Variants in KIRREL3 observed in about 807,000 individuals in gnomAD.
The protein encoded by KIRREL3 is kin of IRRE-like protein 3.
In KIRREL3, 36 loss-of-function variants were observed where a neutral mutation model predicts 89.7. The observed-to-expected ratio is 0.40, with a 90% CI of 0.31 to 0.53. KIRREL3 has a LOEUF of 0.53. Ranked by LOEUF, KIRREL3 falls within the 20% of genes least tolerant of loss-of-function variation. The pLI is 0.49. For missense variants in KIRREL3, 864 were observed against 1,056.6 expected, an observed-to-expected ratio of 0.82 and a Z score of 2.53; for synonymous variants, 445 against 441.4, an observed-to-expected ratio of 1.01 and a Z score of -0.10.
chr11:126,832,953 T>A (rs1385281420), intron 1 of KIRREL3, among the ~76,000 whole-genome samples: 1 of 152,170 alleles, frequency 6.6e-6, no homozygotes, highest in Non-Finnish European at 1.5e-5. Flanking sequence ...ACGTTAAAGG[T>A]CTGCACTGAA....
In KIRREL3 at chr11:126,918,272, C is replaced by T. The variant is rs1322929925; in HGVS notation, c.55+82183G>A. Among the ~76,000 whole-genome samples the T allele has an allele frequency of 6.6e-6, 1 of 152,166 alleles. No homozygotes were observed. Among genetic ancestry groups the T allele is most frequent in the African/African-American group, 2.4e-5 (1 of 41,434 alleles). ...AACATCCCCAGATGCTGGGCAGATC[C>T]AGTGAATTGCAAGTAAGCAAATAAA... On this transcript the variant is annotated intron_variant, in intron 1 of 16. Coordinates refer to ENST00000525144, the MANE Select transcript of KIRREL3 (RefSeq NM_032531.4). This position sits in a 1 kb window ranked among gnomAD's most constrained non-coding sequence, Gnocchi z 6.5.
At chr11:126,658,934 C>A (rs1945274831) in intron 1 of KIRREL3, among the ~76,000 whole-genome samples, 1 of 152,210 alleles carries the variant, frequency 6.6e-6, no homozygotes, top group Non-Finnish European at 1.5e-5. Context: ...AAAGTGACAA[C>A]CCCATTTTAG....
intron 1 of KIRREL3, among the ~76,000 whole-genome samples, chr11:126,784,816 A>T (rs1158918539): frequency 6.6e-6 from 1 of 152,252 alleles, no homozygotes; most frequent in African/African-American, 2.4e-5. Flanking sequence ...CTTGTCCTGC[A>T]TCTGAACATA....
rs917956129 is a variant in KIRREL3 at position 126,641,398 on chromosome 11, T to C, written c.56-78486A>G. On this transcript the variant is annotated intron_variant, in intron 1 of 16. Coordinates refer to ENST00000525144, the MANE Select transcript of KIRREL3 (RefSeq NM_032531.4). This position sits in a 1 kb window ranked among gnomAD's most constrained non-coding sequence, Gnocchi z 5.0. Reference sequence around the variant, plus strand: ...AGCCTCTTGGTGGTCACAAAGCTACTTGCCACTCTCATCAGATCAGGGTGC... The same window carrying C: ...AGCCTCTTGGTGGTCACAAAGCTACCTGCCACTCTCATCAGATCAGGGTGC... 1.4e-4 allele frequency among the ~76,000 whole-genome samples: 22 copies of C among 151,934 alleles called. No individual in the cohort carries two copies. Among genetic ancestry groups the C allele is most frequent in the African/African-American group, 4.1e-4 (17 of 41,344 alleles).
chr11:126,744,338 C>T lies in KIRREL3; in HGVS notation c.56-181426G>A, dbSNP rs142543986. Among the ~76,000 whole-genome samples the T allele has an allele frequency of 3.7e-4, 57 of 152,090 alleles. No individual in the cohort carries two copies. Among genetic ancestry groups the T allele is most frequent in the African/African-American group, 1.3e-3 (54 of 41,492 alleles). On this transcript the variant is annotated intron_variant, in intron 1 of 16. Coordinates refer to ENST00000525144, the MANE Select transcript of KIRREL3 (RefSeq NM_032531.4). This position sits in a 1 kb window ranked among gnomAD's most constrained non-coding sequence, Gnocchi z 4.7. Reference sequence around the variant, plus strand: ...AGCAGCCTTTTCTGGGAGGTTCACCCGCAGGAGGTGTGCTGACCAGAGAGG... The same window carrying T: ...AGCAGCCTTTTCTGGGAGGTTCACCTGCAGGAGGTGTGCTGACCAGAGAGG...
intron 10 of KIRREL3, chr11:126,440,876 C>A: frequency 2.6e-6 from 1 of 388,458 alleles, no homozygotes; most frequent in South Asian, 2.6e-5. Context: ...GAGAATAATT[C>A]TATCTGGCGG....
At chr11:126,828,216 C>T (rs903855141) in intron 1 of KIRREL3, among the ~76,000 whole-genome samples, 1 of 152,210 alleles carries the variant, frequency 6.6e-6, no homozygotes, top group Admixed American at 6.5e-5. Context: ...CTTTAACAAG[C>T]AGGGTCCCAG....
chr11:126,621,258 G>T (rs1943563761), intron 1 of KIRREL3, among the ~76,000 whole-genome samples: 1 of 152,182 alleles, frequency 6.6e-6, no homozygotes, highest in Non-Finnish European at 1.5e-5. Context: ...TTTGATTTGG[G>T]TTACTTTAAT....
rs533429208 is a variant in KIRREL3 at position 126,519,461 on chromosome 11, C to T, written c.433+1854G>A. 3.9e-5 allele frequency among the ~76,000 whole-genome samples: 6 copies of T among 152,308 alleles called. No individual in the cohort carries two copies. In the East Asian group the frequency reaches 5.8e-4, roughly 15 times the overall value. ...TTCGAAATAATCTGGACTTTTAATA[C>T]GTTGGACTTTTTTACGTAACGTAGA... On this transcript the variant is annotated intron_variant, in intron 4 of 16. Transcript: ENST00000525144. This position sits in a 1 kb window ranked among gnomAD's most constrained non-coding sequence, Gnocchi z 4.3.
chr11:126,650,837 T>C (rs1439912631), intron 1 of KIRREL3, among the ~76,000 whole-genome samples: 1 of 152,208 alleles, frequency 6.6e-6, no homozygotes, highest in African/African-American at 2.4e-5. Flanking sequence ...TTCATGCTGC[T>C]GATAAAGACA....
At chr11:126,967,634 C>T (rs1949309785) in intron 1 of KIRREL3, among the ~76,000 whole-genome samples, 1 of 151,982 alleles carries the variant, frequency 6.6e-6, no homozygotes, top group Admixed American at 6.6e-5. Flanking sequence ...GGATCGTGTC[C>T]TCAGAATGAG....
intron 1 of KIRREL3, among the ~76,000 whole-genome samples, chr11:126,713,332 T>G (rs1340638456): frequency 6.6e-6 from 1 of 152,202 alleles, no homozygotes; most frequent in East Asian, 1.9e-4. Context: ...GTAGCATCAC[T>G]GAAGCAAAGC....
rs1415030982 is a variant in KIRREL3, at chr11:126,496,985, C to G, written c.434-23519G>C. 6.6e-6 allele frequency among the ~76,000 whole-genome samples: 1 copy of G among 152,110 alleles called. No homozygotes were observed. The highest frequency in any genetic ancestry group is 2.4e-5 in the African/African-American group (1 of 41,412). On this transcript the variant is annotated intron_variant, in intron 4 of 16. Transcript: ENST00000525144. The surrounding 1 kb of genome is among the most constrained non-coding windows in gnomAD (Gnocchi z 4.9). ...GTAGGGAAATGGCCAAGGAAATGCA[C>G]CCCAGCCTGGGAATCCTGTCAGGGA...
At chr11:126,960,529 T>A (rs1194606234) in intron 1 of KIRREL3, among the ~76,000 whole-genome samples, 1 of 152,174 alleles carries the variant, frequency 6.6e-6, no homozygotes, top group Non-Finnish European at 1.5e-5. Context: ...TCAAGACGGA[T>A]CTGATTTGAA....
rs1288878099 is a variant in KIRREL3, at chr11:126,520,776, G to A, written c.433+539C>T. Among the ~76,000 whole-genome samples, 4 of 152,120 alleles carry A rather than the reference G, an allele frequency of 2.6e-5. No individual in the cohort carries two copies. Among genetic ancestry groups the A allele is most frequent in the African/African-American group, 9.7e-5 (4 of 41,418 alleles). Reference sequence around the variant, plus strand: ...GACCTGAAATGAATTTTCCTAGGAGGGACCTGTCAGCCAGGATTCCCAGGG... The same window carrying A: ...GACCTGAAATGAATTTTCCTAGGAGAGACCTGTCAGCCAGGATTCCCAGGG... On this transcript the variant is annotated intron_variant, in intron 4 of 16. Coordinates refer to ENST00000525144, the MANE Select transcript of KIRREL3 (RefSeq NM_032531.4). This position sits in a 1 kb window ranked among gnomAD's most constrained non-coding sequence, Gnocchi z 4.9.
intron 1 of KIRREL3, among the ~76,000 whole-genome samples, chr11:126,785,632 C>T (rs1325703214): frequency 2.6e-5 from 4 of 152,070 alleles, no homozygotes; most frequent in Non-Finnish European, 4.4e-5. Flanking sequence ...AATCCCAGCA[C>T]TTCGGGAGGC....
rs1950859112 is a variant in KIRREL3, at chr11:126,797,729, CT to C, written c.55+202725del. 6.6e-6 allele frequency among the ~76,000 whole-genome samples: 1 copy of C among 152,114 alleles called. No individual in the cohort carries two copies. The highest frequency in any genetic ancestry group is 2.4e-5 in the African/African-American group (1 of 41,420). ...CACAGAATCACATGGTTGAAAAGAA[CT>C]GTAATTGTAATGGAAATTCAAATCA... On this transcript the variant is annotated intron_variant, in intron 1 of 16. Coordinates refer to ENST00000525144, the MANE Select transcript of KIRREL3 (RefSeq NM_032531.4). This position sits in a 1 kb window ranked among gnomAD's most constrained non-coding sequence, Gnocchi z 4.9.
At chr11:126,933,043 G>A (rs1948020459) in intron 1 of KIRREL3, among the ~76,000 whole-genome samples, 1 of 152,150 alleles carries the variant, frequency 6.6e-6, no homozygotes, top group Non-Finnish European at 1.5e-5. Context: ...TGTTCAACTG[G>A]CTACCTTGTG....
intron 1 of KIRREL3, among the ~76,000 whole-genome samples, chr11:126,597,268 C>T (rs777686458): frequency 4.6e-5 from 7 of 152,240 alleles, no homozygotes; most frequent in African/African-American, 7.2e-5. Flanking sequence ...TCTGCAGCTC[C>T]GCAATGTCGG....
Sources: allele counts gnomAD v4.1 joint callset (sites outside exome capture counted in the v4.1 genomes callset), GRCh38; gene constraint gnomAD v4.1.1; non-coding constraint Gnocchi (gnomAD v3.1); transcripts MANE v1.5; gene names NCBI Gene and HGNC (gene_info 2026-07-23, HGNC 2026-07-21).